The following PDHB variants were observed in gnomAD, a reference collection of about 807,000 sequenced individuals.
PDHB encodes the protein pyruvate dehydrogenase E1 component subunit beta, mitochondrial.
PDHB carries 17 observed loss-of-function variants against 42.8 expected under a neutral mutation model. The observed-to-expected ratio is 0.40, with a 90% CI of 0.27 to 0.60. The LOEUF is 0.60. PDHB is among the 20% of genes least tolerant of loss of function. PDHB has a pLI of 0.46. For missense variants in PDHB, 322 were observed against 451.3 expected, an observed-to-expected ratio of 0.71 and a Z score of 2.60; for synonymous variants, 154 against 148.7, an observed-to-expected ratio of 1.04 and a Z score of -0.26.
chr3:58,432,019 T>C, intron 2 of PDHB, 35 bp from the exon 3 acceptor site: 1 of 1,421,034 alleles, frequency 7.0e-7, no homozygotes, highest in Non-Finnish European at 1.0e-6. Flanking sequence ...CAATACAGAA[T>C]TGTTTGGGAT....
In PDHB at chr3:58,427,678, T is replaced by C. The variant is rs1126737; in HGVS notation, c.*356A>G. On this transcript the variant is annotated 3_prime_UTR_variant, in exon 10 of 10. Transcript: ENST00000302746. ...CTTATCAAAACAAACTAACAGTAAA[T>C]GTATATTATATGCTTTAATTTTATA... 108,962 of 389,678 alleles carry C rather than the reference T, an allele frequency of 0.28. 19,228 individuals are homozygous for C. Among genetic ancestry groups the C allele is most frequent in the East Asian group, 0.81 (11,174 of 13,774 alleles). 24.1% of individuals were successfully genotyped at this position (389,678 alleles called of 1,614,324 possible). A position where few individuals can be genotyped will look rare whatever the true frequency, so the allele number is the denominator to read the frequency against.
chr3:58,431,587 A>T lies in PDHB; in HGVS notation c.303+6T>A. The T allele has an allele frequency of 6.3e-7, 1 of 1,594,186 alleles. No individual in the cohort carries two copies. ...TTGGATAAGTTTCATAAAGAGTATT[A>T]CATACCATAGCTGCACCTACAGCAA... On this transcript the variant is annotated splice_donor_region_variant and intron_variant, in intron 5 of 9. Transcript: ENST00000302746. This position sits in a 1 kb window ranked among gnomAD's most constrained non-coding sequence, Gnocchi z 4.4.
chr3:58,431,582 G>C lies in PDHB; in HGVS notation c.303+11C>G. 1 of 1,583,214 alleles carries C rather than the reference G, an allele frequency of 6.3e-7. No homozygotes were observed. Among genetic ancestry groups the C allele is most frequent in the Non-Finnish European group, 8.7e-7 (1 of 1,153,478 alleles). ...TGTCTTTGGATAAGTTTCATAAAGA[G>C]TATTACATACCATAGCTGCACCTAC... On this transcript the variant is annotated intron_variant, in intron 5 of 9. Coordinates refer to ENST00000302746, the MANE Select transcript of PDHB (RefSeq NM_000925.4). The surrounding 1 kb of genome is among the most constrained non-coding windows in gnomAD (Gnocchi z 4.4).
intron 2 of PDHB, chr3:58,432,863 G>T (rs1345946279): frequency 6.6e-6 from 1 of 152,258 alleles, no homozygotes; most frequent in East Asian, 1.9e-4. Context: ...GCCCGGTGTG[G>T]TGGCACCGGC....
In PDHB at chr3:58,433,748, G is replaced by A. The variant is rs753203123; in HGVS notation, c.42+20C>T. 1.9e-6 allele frequency: 3 copies of A among 1,612,290 alleles called. No homozygotes were observed. The highest frequency in any genetic ancestry group is 2.2e-5 in the East Asian group (1 of 44,828). On this transcript the variant is annotated intron_variant, in intron 1 of 9. Coordinates refer to ENST00000302746, the MANE Select transcript of PDHB (RefSeq NM_000925.4). Reference sequence around the variant, plus strand: ...TGGGCAGGGGTCGCGTGGGAATACAGGCCGCGCGCTGCTGCCTACCTCCCG... The same window carrying A: ...TGGGCAGGGGTCGCGTGGGAATACAAGCCGCGCGCTGCTGCCTACCTCCCG...
At position 58,431,715 on chromosome 3, in the gene PDHB, C is replaced by T. The variant is rs757232232; in HGVS notation, c.267+16G>A. The T allele has an allele frequency of 3.7e-6, 6 of 1,609,378 alleles. No homozygotes were observed. In the Admixed American group the frequency reaches 5.0e-5, roughly 13 times the overall value. On this transcript the variant is annotated intron_variant, in intron 4 of 9. Coordinates refer to ENST00000302746, the MANE Select transcript of PDHB (RefSeq NM_000925.4). The surrounding 1 kb of genome is among the most constrained non-coding windows in gnomAD (Gnocchi z 4.4). Reference sequence around the variant, plus strand: ...AGACATGCCCTCCAGGGTCTGCTTCCCACTGGAAGGCTTACCTCTGATATG... The same window carrying T: ...AGACATGCCCTCCAGGGTCTGCTTCTCACTGGAAGGCTTACCTCTGATATG...
In PDHB at chr3:58,427,680, T is replaced by C. The variant is rs2107934912; in HGVS notation, c.*354A>G. On this transcript the variant is annotated 3_prime_UTR_variant, in exon 10 of 10. Transcript: ENST00000302746. ...TATCAAAACAAACTAACAGTAAATG[T>C]ATATTATATGCTTTAATTTTATACA... The C allele has an allele frequency of 2.5e-6, 1 of 394,548 alleles. No individual in the cohort carries two copies. Among genetic ancestry groups the C allele is most frequent in the East Asian group, 7.2e-5 (1 of 13,904 alleles). The allele number at this position is 394,548 out of a possible 1,614,324, so 24.4% of individuals were successfully genotyped here.
rs1203584868 is a variant in PDHB at position 58,428,708 on chromosome 3, T to C, written c.793-94A>G. On this transcript the variant is annotated intron_variant, in intron 8 of 9. Coordinates refer to ENST00000302746, the MANE Select transcript of PDHB (RefSeq NM_000925.4). ...CATTTCCTTTTTTGTTTCCTGTTAA[T>C]CTTTGTATCTAGGAAAATCTAATCT... The C allele has an allele frequency of 1.1e-5, 12 of 1,140,538 alleles. No individual in the cohort carries two copies. The South Asian group carries it at 1.4e-4, about 13-fold the overall frequency. The allele number at this position is 1,140,538 out of a possible 1,614,324, so 70.7% of individuals were successfully genotyped here.
chr3:58,433,669 T>C lies in PDHB; in HGVS notation c.58A>G (p.Lys20Glu), dbSNP rs749285624. The C allele has an allele frequency of 8.1e-6, 13 of 1,612,668 alleles. No individual in the cohort carries two copies. Among genetic ancestry groups the C allele is most frequent in the Non-Finnish European group, 1.1e-5 (13 of 1,179,696 alleles). The change falls in exon 2 of 10, where the codon AAG becomes GAG. Residue 20 changes from lysine (K) to glutamate (E), a missense_variant. Around this residue, in one of 3 missense-constraint regions of PDHB, gnomAD observed 58 missense variants for 42.1 expected, o/e 1.38. Transcript: ENST00000302746. ...RPLREVSGLL[K>E]RRFHWTAPAA... ...GGCGCGGTCCAGTGAAAGCGCCTCTTCAGCAGCCCGGAGACCTGGCAGGGA... is the reference window on the plus strand; with the variant it reads ...GGCGCGGTCCAGTGAAAGCGCCTCTCCAGCAGCCCGGAGACCTGGCAGGGA...
rs1553848498 is a variant in PDHB at position 58,431,042 on chromosome 3, A to AT, written c.304-101dup. On this transcript the variant is annotated intron_variant, in intron 5 of 9. Coordinates refer to ENST00000302746, the MANE Select transcript of PDHB (RefSeq NM_000925.4). The surrounding 1 kb of genome is among the most constrained non-coding windows in gnomAD (Gnocchi z 4.4). ...CTTCCAACATTCAAATAATGTTTTT[A>AT]TTTTTTATTTTTATTTTTTATGGAC... 9.0e-7 allele frequency: 1 copy of AT among 1,110,222 alleles called. No individual in the cohort carries two copies. The highest frequency in any genetic ancestry group is 1.3e-5 in the South Asian group (1 of 76,498). 68.8% of individuals were successfully genotyped at this position (1,110,222 alleles called of 1,614,324 possible).
chr3:58,428,581 T>C lies in PDHB; in HGVS notation c.826A>G (p.Met276Val), dbSNP rs372743787. ...INMRTIRPMD[M>V]ETIEASVMKT... Reference sequence around the variant, plus strand: ...ATGACACTGGCTTCTATGGTTTCCATGTCCATTGGTCTAATGGTACGCATA... The same window carrying C: ...ATGACACTGGCTTCTATGGTTTCCACGTCCATTGGTCTAATGGTACGCATA... Residue 276 changes from methionine to valine, a missense_variant, in exon 9 of 10, where the codon ATG (methionine) becomes GTG (valine). Physicochemically the swap from Met to Val is conservative, Grantham distance 21 (BLOSUM62 1). This residue lies in a region of PDHB where 208 missense variants were observed against 285.0 expected (regional missense o/e 0.73). Transcript: ENST00000302746. The C allele has an allele frequency of 2.5e-6, 4 of 1,613,788 alleles. No homozygotes were observed. Among genetic ancestry groups the C allele is most frequent in the Admixed American group, 3.3e-5 (2 of 60,028 alleles).
Position 58,431,711 on chromosome 3 carries a change from C to T in PDHB, c.267+20G>A. 1.2e-6 allele frequency: 2 copies of T among 1,606,684 alleles called. No individual in the cohort carries two copies. The highest frequency in any genetic ancestry group is 1.7e-6 in the Non-Finnish European group (2 of 1,173,156). ...TAACAGACATGCCCTCCAGGGTCTG[C>T]TTCCCACTGGAAGGCTTACCTCTGA... On this transcript the variant is annotated intron_variant, in intron 4 of 9. Transcript: ENST00000302746. This position sits in a 1 kb window ranked among gnomAD's most constrained non-coding sequence, Gnocchi z 4.4.
chr3:58,433,149 A>C (rs2062938657), intron 2 of PDHB: 1 of 201,702 alleles, frequency 5.0e-6, no homozygotes, highest in African/African-American at 2.4e-5. Flanking sequence ...TAGAATAGGC[A>C]ACCTCATAAA....
At chr3:58,430,311 A>G in intron 6 of PDHB, 73 bp from the exon 7 acceptor site, 2 of 1,012,374 alleles carry the variant, frequency 2.0e-6, no homozygotes, top group East Asian at 2.4e-5. Context: ...AGAAAGCAAT[A>G]TCATTCATCT....
chr3:58,428,306 G>A (rs1486630163), intron 9 of PDHB, 127 bp from the exon 10 acceptor site: 1 of 1,219,546 alleles, frequency 8.2e-7, no homozygotes, highest in East Asian at 2.4e-5. Flanking sequence ...CCGCTTTCTG[G>A]ATTTGCTTTT....
chr3:58,431,230 A>C lies in PDHB; in HGVS notation c.304-288T>G. The C allele has an allele frequency of 2.1e-6, 1 of 481,526 alleles. No individual in the cohort carries two copies. The highest frequency in any genetic ancestry group is 4.0e-5 in the East Asian group (1 of 25,306). The allele number at this position is 481,526 out of a possible 1,614,324, so 29.8% of individuals were successfully genotyped here. A position where few individuals can be genotyped will look rare whatever the true frequency, so the allele number is the denominator to read the frequency against. On this transcript the variant is annotated intron_variant, in intron 5 of 9. Coordinates refer to ENST00000302746, the MANE Select transcript of PDHB (RefSeq NM_000925.4). This position sits in a 1 kb window ranked among gnomAD's most constrained non-coding sequence, Gnocchi z 4.4. The stretch of plus-strand genomic sequence containing the variant: ...TACTTGGTATTTTTTTTTTTTCCCA[A>C]ATGATGTTTTTAAAAGGTGATGTTA...
In PDHB at chr3:58,431,167, A is replaced by C. The variant is rs897140247; in HGVS notation, c.304-225T>G. The C allele has an allele frequency of 1.7e-6, 1 of 578,972 alleles. No homozygotes were observed. The highest frequency in any genetic ancestry group is 2.9e-5 in the Admixed American group (1 of 34,134). 35.9% of individuals were successfully genotyped at this position (578,972 alleles called of 1,614,324 possible). On this transcript the variant is annotated intron_variant, in intron 5 of 9. Transcript: ENST00000302746. The surrounding 1 kb of genome is among the most constrained non-coding windows in gnomAD (Gnocchi z 4.4). ...CAAGTAATCCTTCCTCAGCATCCCG[A>C]GTAGCTGGGACTGCAGGCAAGCACC... is the stretch of plus-strand genomic sequence containing the variant.
rs1352883952 is a variant in PDHB at position 58,429,700 on chromosome 3, C to G, written c.792+8G>C. 6.5e-7 allele frequency: 1 copy of G among 1,547,246 alleles called. No homozygotes were observed. Among genetic ancestry groups the G allele is most frequent in the African/African-American group, 1.4e-5 (1 of 73,598 alleles). ...TAATTCTTTAAGAACAAGTAAATGT[C>G]CACTCACCTCACATTCAACTCCTTC... is the stretch of plus-strand genomic sequence containing the variant. On this transcript the variant is annotated splice_region_variant and intron_variant, in intron 8 of 9. Transcript: ENST00000302746.
In PDHB at chr3:58,428,490, C is replaced by G. The variant is rs140744404; in HGVS notation, c.917G>C (p.Cys306Ser). 2 of 1,614,068 alleles carry G rather than the reference C, an allele frequency of 1.2e-6. No individual in the cohort carries two copies. Among genetic ancestry groups the G allele is most frequent in the African/African-American group, 2.7e-5 (2 of 74,920 alleles). The change falls in exon 9 of 10, where the codon TGT becomes TCT. Residue 306 changes from cysteine (C) to serine (S), a missense_variant. Cys to Ser is a moderately radical substitution (Grantham distance 112). Transcript: ENST00000302746. The part of the protein sequence containing the change: ...WPQFGVGAEI[C>S]ARIMEGPAFN... ...TGAAATACCTTCCATGATCCTGGCA[C>G]AGATTTCAGCTCCTACTCCAAACTG...
Sources: gnomAD v4.1 joint callset for allele counts on GRCh38, gnomAD v4.1.1 for gene constraint, gnomAD v4.1.1 regional missense constraint, Gnocchi (gnomAD v3.1) non-coding constraint, MANE v1.5 for transcripts, NCBI Gene and HGNC (gene_info 2026-07-23, HGNC 2026-07-21) for gene names.